The following CCDC183 variants were observed in gnomAD, a reference collection of about 807,000 sequenced individuals.
The protein encoded by CCDC183 is coiled-coil domain containing 183.
Under a neutral mutation model 65.2 loss-of-function variants are expected in CCDC183, and 63 were observed. The ratio of observed to expected loss-of-function variants is 0.97; its 90% CI spans 0.79 to 1.19. The LOEUF (loss-of-function observed/expected upper bound fraction) is 1.19, where lower values mean the gene tolerates loss of function less well. CCDC183 is among the 50% of genes most tolerant of loss of function. CCDC183 has a pLI of 0.00. For synonymous variants in CCDC183, 323 were observed against 276.5 expected, an observed-to-expected ratio of 1.17 and a Z score of -1.67; for missense variants, 769 against 689.3, an observed-to-expected ratio of 1.12 and a Z score of -1.30.
intron 1 of CCDC183, among the ~76,000 whole-genome samples, chr9:136,798,548 C>T (rs543135618): frequency 2.0e-5 from 3 of 152,262 alleles, no homozygotes; most frequent in South Asian, 2.1e-4. Flanking sequence ...CCGCCCACTT[C>T]GGCCTCCCAA....
At chr9:136,797,693 C>T (rs1222746038) in intron 1 of CCDC183, among the ~76,000 whole-genome samples, 1 of 152,264 alleles carries the variant, frequency 6.6e-6, no homozygotes, top group Non-Finnish European at 1.5e-5. Context: ...CCGCATCAGC[C>T]TCCCAAAGTG....
intron 1 of CCDC183, 49 bp downstream of exon 1, chr9:136,796,516 C>A: frequency 7.5e-7 from 1 of 1,330,240 alleles, no homozygotes; most frequent in Non-Finnish European, 1.1e-6. Flanking sequence ...CTGGGGGTTT[C>A]TGGGTGCACA....
chr9:136,806,663 T>C lies in CCDC183; in HGVS notation c.1269T>C (p.Pro423=). ...LYVRLMGINL[P]ATQREVVLSN... ...TCCGGCTGATGGGCATTAACTTGCC[T>C]GCGACCCAGGTACCGGGAGTGAGGC... The change falls in exon 11 of 14, where the codon CCT becomes CCC. Residue 423 remains proline, a synonymous_variant. Transcript: ENST00000338005. The C allele has an allele frequency of 6.2e-7, 1 of 1,613,480 alleles. No homozygotes were observed. The highest frequency in any genetic ancestry group is 8.5e-7 in the Non-Finnish European group (1 of 1,180,002).
chr9:136,799,033 C>T (rs557303549), intron 1 of CCDC183, 69 bp from the exon 2 acceptor site: 248 of 1,598,374 alleles, frequency 1.6e-4, no homozygotes, highest in Non-Finnish European at 2.0e-4. Flanking sequence ...ATGCAAGCCT[C>T]CCCCAGGGGA....
At position 136,800,104 on chromosome 9, in the gene CCDC183, CAGCTGG is replaced by C; in HGVS notation, c.381_386del (p.Glu127_Leu128del). On this transcript the variant is annotated inframe_deletion, in exon 4 of 14. Coordinates refer to ENST00000338005, the MANE Select transcript of CCDC183 (RefSeq NM_001039374.5). ...GCGCGGGCAGAAGCTGGAGAGCATG[CAGCTGG>C]AGCTGGACAGCCTGCGGAGCCAGCC... is the stretch of plus-strand genomic sequence containing the variant. 6.4e-7 allele frequency: 1 copy of C among 1,557,150 alleles called. No individual in the cohort carries two copies. The highest frequency in any genetic ancestry group is 8.7e-7 in the Non-Finnish European group (1 of 1,153,384).
At chr9:136,802,259 A>G (rs919779428) in intron 5 of CCDC183, among the ~76,000 whole-genome samples, 8 of 152,064 alleles carry the variant, frequency 5.3e-5, no homozygotes, top group African/African-American at 1.9e-4. Flanking sequence ...AACTTTCCCA[A>G]TGTCACACAG....
intron 9 of CCDC183, 108 bp from the exon 10 acceptor site, chr9:136,805,970 G>A (rs1269250656): frequency 3.5e-6 from 3 of 864,486 alleles, no homozygotes; most frequent in African/African-American, 3.4e-5. Flanking sequence ...TGAGCACAGA[G>A]AAAGTGCACT....
At chr9:136,801,913 G>A (rs996308821) in intron 5 of CCDC183, among the ~76,000 whole-genome samples, 9 of 151,622 alleles carry the variant, frequency 5.9e-5, no homozygotes, top group East Asian at 1.9e-4. Context: ...TCAGCCTCCC[G>A]AATAGCTAGA....
Position 136,805,373 on chromosome 9 carries a change from C to T in CCDC183, c.864C>T (p.Thr288=). Residue 288 remains threonine (T), a synonymous_variant, in exon 9 of 14, where the codon ACC becomes ACT. Transcript: ENST00000338005. ...CTCTGCCAGTGAGGAGAAAAGAGACCTCCACAGCAGAAATGGAATACCAGT... is the reference window on the plus strand; with the variant it reads ...CTCTGCCAGTGAGGAGAAAAGAGACTTCCACAGCAGAAATGGAATACCAGT... ...TETLKLRRKE[T]STAEMEYQSG... The T allele has an allele frequency of 6.2e-7, 1 of 1,613,616 alleles. No homozygotes were observed. Among genetic ancestry groups the T allele is most frequent in the Non-Finnish European group, 8.5e-7 (1 of 1,179,832 alleles).
chr9:136,805,539 G>A (rs1847828756), intron 9 of CCDC183, 82 bp downstream of exon 9: 2 of 1,288,544 alleles, frequency 1.6e-6, no homozygotes, highest in African/African-American at 2.9e-5. Flanking sequence ...GGCACTCCCG[G>A]AGCATGGCAG....
intron 13 of CCDC183, 83 bp from the exon 14 acceptor site, chr9:136,807,489 T>G: frequency 6.8e-7 from 1 of 1,467,106 alleles, no homozygotes; most frequent in Non-Finnish European, 9.0e-7. Flanking sequence ...CCCGGGTCGG[T>G]GGAGGGCGGG....
chr9:136,802,257 C>G (rs746453249), intron 5 of CCDC183, among the ~76,000 whole-genome samples: 7 of 152,172 alleles, frequency 4.6e-5, no homozygotes, highest in Non-Finnish European at 1.0e-4. Flanking sequence ...GTAACTTTCC[C>G]AATGTCACAC....
At chr9:136,796,745 T>C (rs906093063) in intron 1 of CCDC183, among the ~76,000 whole-genome samples, 5 of 152,130 alleles carry the variant, frequency 3.3e-5, no homozygotes, top group African/African-American at 1.2e-4. Context: ...TTGTTAACAA[T>C]GTGTTTGCAG....
chr9:136,797,540 G>A (rs62581400), intron 1 of CCDC183, among the ~76,000 whole-genome samples: 5,519 of 151,578 alleles, frequency 0.036, 156 homozygotes, highest in East Asian at 0.13. Flanking sequence ...CTGGGTTCAC[G>A]TCATTCTCCT....
Position 136,806,153 on chromosome 9 carries a change from T to C in CCDC183, c.1024T>C (p.Trp342Arg), listed in dbSNP as rs2811795. ...LELQMEDCEE[W>R]RVQLKALVKQ... is the part of the protein sequence containing the mutation. The stretch of plus-strand genomic sequence containing the variant: ...GCTGCAGATGGAGGACTGTGAGGAG[T>C]GGCGGGTGCAGCTGAAGGCCCTGGT... Residue 342 changes from tryptophan (W) to arginine (R), a missense_variant, in exon 10 of 14, where the codon TGG becomes CGG. Physicochemically the swap from Trp to Arg is moderately radical, Grantham distance 101. Transcript: ENST00000338005. 1,265,617 of 1,558,178 alleles carry C rather than the reference T, an allele frequency of 0.81. 515,320 individuals are homozygous for C. Among genetic ancestry groups the C allele is most frequent in the African/African-American group, 0.96 (70,346 of 73,462 alleles).
intron 4 of CCDC183, 92 bp downstream of exon 4, chr9:136,800,261 C>A: frequency 1.4e-6 from 2 of 1,414,784 alleles, no homozygotes; most frequent in Non-Finnish European, 1.9e-6. Flanking sequence ...ACTTGCGGGT[C>A]CCCTGGGGAG....
chr9:136,807,553 C>G lies in CCDC183; in HGVS notation c.1487-19C>G. ...TAGCTGGGCTAGCCCCGTGTGCGAG[C>G]CGCCGCCTCCGCCCGCAGACACCTT... is the stretch of plus-strand genomic sequence containing the variant. On this transcript the variant is annotated intron_variant, in intron 13 of 13. Transcript: ENST00000338005. The G allele has an allele frequency of 6.3e-7, 1 of 1,581,626 alleles. No homozygotes were observed. The highest frequency in any genetic ancestry group is 1.8e-5 in the Admixed American group (1 of 55,730).
Position 136,800,065 on chromosome 9 carries a change from C to T in CCDC183, c.334C>T (p.His112Tyr), listed in dbSNP as rs547086808. 7.6e-6 allele frequency: 12 copies of T among 1,583,530 alleles called. No individual in the cohort carries two copies. The Admixed American group carries it at 1.6e-4, about 22-fold the overall frequency. Residue 112 changes from histidine to tyrosine, a missense_variant, in exon 4 of 14, where the codon CAC becomes TAC. Coordinates refer to ENST00000338005, the MANE Select transcript of CCDC183 (RefSeq NM_001039374.5). ...CGTGAACATGCACAACCTACTGATC[C>T]ACCTGGTGCGGCGGCGCGGGCAGAA... ...DRVNMHNLLI[H>Y]LVRRRGQKLE...
At chr9:136,807,128 G>C in intron 13 of CCDC183, 62 bp downstream of exon 13, 1 of 1,507,700 alleles carries the variant, frequency 6.6e-7, no homozygotes, top group Non-Finnish European at 9.2e-7. Flanking sequence ...GGTCGGGGTG[G>C]CGCCGGCTCC....
Sources: gnomAD v4.1 joint callset for allele counts (sites outside exome capture counted in the v4.1 genomes callset) on GRCh38, gnomAD v4.1.1 for gene constraint, MANE v1.5 for transcripts, NCBI Gene and HGNC (gene_info 2026-07-23, HGNC 2026-07-21) for gene names.